Variants in IPO8 observed in about 807,000 individuals in gnomAD.
The protein encoded by IPO8 is importin-8.
IPO8 carries 65 observed loss-of-function variants against 141.2 expected under a neutral mutation model. The ratio of observed to expected loss-of-function variants is 0.46; its 90% CI spans 0.38 to 0.57. IPO8 has a LOEUF of 0.57. Among genes scored for constraint, IPO8 ranks in the 20% least tolerant of loss-of-function variants. The pLI is 0.00. For synonymous variants in IPO8, 411 were observed against 420.3 expected (o/e 0.98, Z 0.27); for missense variants, 980 against 1,246.8 (o/e 0.79, Z 3.22).
In IPO8 at chr12:30,665,200, C is replaced by G. The variant is rs187149407; in HGVS notation, c.1428+20G>C. 310 of 1,279,558 alleles carry G rather than the reference C, an allele frequency of 2.4e-4. No homozygotes were observed. The highest frequency in any genetic ancestry group is 3.4e-4 in the Non-Finnish European group (301 of 894,670). 79.3% of individuals were successfully genotyped at this position (1,279,558 alleles called of 1,614,324 possible). ...TCTTATGAAGATTTAAGATACATAA[C>G]AGAAATATGAAAAACTTACTCTAGC... is the stretch of plus-strand genomic sequence containing the variant. On this transcript the variant is annotated intron_variant, in intron 13 of 24. Coordinates refer to ENST00000256079, the MANE Select transcript of IPO8 (RefSeq NM_006390.4).
chr12:30,652,351 A>G (rs1239543111), intron 18 of IPO8, 62 bp from the exon 19 acceptor site: 1 of 959,956 alleles, frequency 1.0e-6, no homozygotes, highest in African/African-American at 1.6e-5. Context: ...AATTATTCCC[A>G]CTGAAACCAT....
At chr12:30,677,102 A>G in intron 5 of IPO8, 1 of 1,506,770 alleles carries the variant, frequency 6.6e-7, no homozygotes, top group Non-Finnish European at 8.9e-7. Flanking sequence ...CATTCAGTAC[A>G]AAACATGCTA....
At chr12:30,680,722 TACATAAAACTA>T (rs1398803426) in intron 4 of IPO8, 84 bp from the exon 5 acceptor site, 2 of 1,085,924 alleles carry the variant, frequency 1.8e-6, no homozygotes, top group African/African-American at 3.2e-5. Flanking sequence ...ATTTTTTAAA[TACATAAAACTA>T]ACAAAACAAA....
chr12:30,675,546 G>A (rs2053107662), intron 6 of IPO8, among the ~76,000 whole-genome samples: 1 of 152,018 alleles, frequency 6.6e-6, no homozygotes, highest in African/African-American at 2.4e-5. Context: ...TGACAGTATA[G>A]GCCAGGCGCG....
intron 5 of IPO8, 187 bp downstream of exon 5, chr12:30,680,295 C>A (rs761955862): frequency 4.1e-6 from 2 of 492,284 alleles, no homozygotes; most frequent in Non-Finnish European, 7.0e-6. Flanking sequence ...CACTTAGGGG[C>A]AGATATGCCA....
rs888969785 is a variant in IPO8 at position 30,695,410 on chromosome 12, C to A, written c.84+154G>T. Among the ~76,000 whole-genome samples the A allele has an allele frequency of 6.6e-6, 1 of 152,130 alleles. No homozygotes were observed. Among genetic ancestry groups the A allele is most frequent in the Non-Finnish European group, 1.5e-5 (1 of 68,020 alleles). ...TCCTGGGAGCCCTGCTCCACTGGAC[C>A]GGGGGGCAGCGGGGTCGGAGAGCGG... is the stretch of plus-strand genomic sequence containing the variant. On this transcript the variant is annotated intron_variant, in intron 1 of 24. Transcript: ENST00000256079. The surrounding 1 kb of genome is among the most constrained non-coding windows in gnomAD (Gnocchi z 4.2).
At chr12:30,678,074 G>A (rs1015332437) in intron 5 of IPO8, among the ~76,000 whole-genome samples, 13 of 148,898 alleles carry the variant, frequency 8.7e-5, no homozygotes, top group Non-Finnish European at 1.8e-4. Context: ...GCAGTGAGCC[G>A]AGATTGTGCC....
At chr12:30,656,491 G>A (rs12311863) in intron 17 of IPO8, among the ~76,000 whole-genome samples, 193 bp downstream of exon 17, 3,951 of 152,110 alleles carry the variant, frequency 0.026, 162 homozygotes, top group African/African-American at 0.09. Context: ...TTATTCGTTG[G>A]ATGTATAATT....
intron 20 of IPO8, among the ~76,000 whole-genome samples, chr12:30,640,757 A>G (rs2052564357): frequency 6.6e-6 from 1 of 152,238 alleles, no homozygotes; most frequent in Non-Finnish European, 1.5e-5. Context: ...TTTCAAAATT[A>G]CAGCTAGATG....
chr12:30,695,464 C>A lies in IPO8; in HGVS notation c.84+100G>T, dbSNP rs1051694371. On this transcript the variant is annotated intron_variant, in intron 1 of 24. Transcript: ENST00000256079. This position sits in a 1 kb window ranked among gnomAD's most constrained non-coding sequence, Gnocchi z 4.2. ...CAGCCGTGAGGCGTCAGCCCCAGCCCGGTGGGGGTGAGGACGAGGGGCGCC... is the reference window on the plus strand; with the variant it reads ...CAGCCGTGAGGCGTCAGCCCCAGCCAGGTGGGGGTGAGGACGAGGGGCGCC... The A allele has an allele frequency of 3.9e-5, 40 of 1,033,102 alleles. No homozygotes were observed. The highest frequency in any genetic ancestry group is 5.3e-5 in the Non-Finnish European group (36 of 677,432). 64.0% of individuals were successfully genotyped at this position (1,033,102 alleles called of 1,614,324 possible). A position where few individuals can be genotyped will look rare whatever the true frequency, so the allele number is the denominator to read the frequency against.
chr12:30,644,557 C>T (rs2052615780), intron 20 of IPO8, among the ~76,000 whole-genome samples: 1 of 151,750 alleles, frequency 6.6e-6, no homozygotes, highest in African/African-American at 2.4e-5. Context: ...CAGCAGTTCA[C>T]CAGAGATGGC....
intron 17 of IPO8, among the ~76,000 whole-genome samples, chr12:30,654,804 A>C (rs545382110): frequency 2.0e-5 from 3 of 152,142 alleles, no homozygotes; most frequent in African/African-American, 7.2e-5. Context: ...TTCCTCAAAA[A>C]ATTAAAGATA....
chr12:30,674,278 A>G (rs1005853778), intron 7 of IPO8, among the ~76,000 whole-genome samples: 2 of 152,232 alleles, frequency 1.3e-5, no homozygotes, highest in African/African-American at 4.8e-5. Flanking sequence ...TTCAGACAGA[A>G]GCTTTCACTT....
intron 22 of IPO8, 113 bp from the exon 23 acceptor site, chr12:30,634,399 C>T (rs2052474889): frequency 2.7e-6 from 2 of 749,616 alleles, no homozygotes; most frequent in African/African-American, 1.8e-5. Context: ...AAAAAATCTT[C>T]CACAAAATTT....
At chr12:30,645,756 T>G (rs928423286) in intron 20 of IPO8, among the ~76,000 whole-genome samples, 1 of 151,984 alleles carries the variant, frequency 6.6e-6, no homozygotes, top group Non-Finnish European at 1.5e-5. Flanking sequence ...ATAAATTACG[T>G]TGAAAAATTC....
chr12:30,661,254 C>A lies in IPO8; in HGVS notation c.1768G>T (p.Gly590Cys). ...TATTCATCACTTTGAAGAACTTTGC[C>A]AAATATCTCAGCCTATGAAAATAAC... ...DMTQHLAEIF[G>C]KVLQSDEYEE... Residue 590 changes from glycine to cysteine, a missense_variant, in exon 16 of 25, where the codon GGC (glycine) becomes TGC (cysteine). By Grantham distance (159) the Gly-to-Cys change is radical (BLOSUM62 -3). Coordinates refer to ENST00000256079, the MANE Select transcript of IPO8 (RefSeq NM_006390.4). 1 of 1,590,794 alleles carries A rather than the reference C, an allele frequency of 6.3e-7. No individual in the cohort carries two copies. Among genetic ancestry groups the A allele is most frequent in the Non-Finnish European group, 8.5e-7 (1 of 1,170,456 alleles).
chr12:30,653,913 G>A (rs2043844), intron 17 of IPO8, among the ~76,000 whole-genome samples: 83,036 of 151,766 alleles, frequency 0.55, 23,305 homozygotes, highest in African/African-American at 0.67. Context: ...AAATATTGAT[G>A]AATAATTTAT....
intron 23 of IPO8, among the ~76,000 whole-genome samples, chr12:30,633,570 T>C (rs972689136): frequency 1.3e-5 from 2 of 152,214 alleles, no homozygotes; most frequent in Non-Finnish European, 2.9e-5. Context: ...GCAAATATTT[T>C]CTCCCCCCGA....
chr12:30,680,273 TGGAGTGAAAA>T (rs1591843060), intron 5 of IPO8, 199 bp downstream of exon 5: 2 of 430,388 alleles, frequency 4.6e-6, no homozygotes. Context: ...TTTCAGACAC[TGGAGTGAAAA>T]GCACTTAGGG....
Sources: gnomAD v4.1 joint callset for allele counts (sites outside exome capture counted in the v4.1 genomes callset) on GRCh38, gnomAD v4.1.1 for gene constraint, Gnocchi (gnomAD v3.1) non-coding constraint, MANE v1.5 for transcripts, NCBI Gene and HGNC (gene_info 2026-07-23, HGNC 2026-07-21) for gene names.